UBA7: variants seen among roughly 807,000 people sequenced by gnomAD.
UBA7 encodes the protein ubiquitin like modifier activating enzyme 7.
A neutral mutation model predicts 113.0 loss-of-function variants in UBA7; 88 were observed. That is an observed-to-expected ratio of 0.78 (90% CI 0.66 to 0.93). The LOEUF (loss-of-function observed/expected upper bound fraction) is 0.93, where lower values mean the gene tolerates loss of function less well. UBA7 is among the 40% of genes least tolerant of loss of function. The probability of loss-of-function intolerance (pLI) is 0.00; values close to 1 mark genes in which losing one functional copy is unlikely to be tolerated. For synonymous variants in UBA7, 459 were observed against 513.0 expected, an observed-to-expected ratio of 0.89 and a Z score of 1.42; for missense variants, 1,092 against 1,266.4, an observed-to-expected ratio of 0.86 and a Z score of 2.09.
intron 18 of UBA7, 125 bp from the exon 19 acceptor site, chr3:49,808,593 G>T (rs2081492926): frequency 9.6e-7 from 1 of 1,037,462 alleles, no homozygotes; most frequent in Admixed American, 2.5e-5. Context: ...AAATCAAGAA[G>T]CCCCCTTAAT....
chr3:49,813,486 G>A lies in UBA7; in HGVS notation c.218C>T (p.Ala73Val), dbSNP rs774958195. The change falls in exon 2 of 24, where the codon GCT (alanine) becomes GTT (valine). Residue 73 changes from alanine to valine, a missense_variant. Coordinates refer to ENST00000333486, the MANE Select transcript of UBA7 (RefSeq NM_003335.3). ...DPHPTCWSDL[A>V]AQFLLSEQDL... ...GCCCCCCAGGACACTTACCTGGGCA[G>A]CCAGGTCGGACCAGCAGGTGGGGTG... The A allele has an allele frequency of 6.2e-7, 1 of 1,613,474 alleles. No homozygotes were observed. Among genetic ancestry groups the A allele is most frequent in the South Asian group, 1.1e-5 (1 of 91,034 alleles).
rs903254297 is a variant in UBA7, at chr3:49,812,425, C to T, written c.677G>A (p.Arg226Gln). The T allele has an allele frequency of 5.0e-6, 8 of 1,614,082 alleles. No homozygotes were observed. Among genetic ancestry groups the T allele is most frequent in the Admixed American group, 3.3e-5 (2 of 60,012 alleles). ...GMVELNDCDP[R>Q]SIHVREDGSL... is the part of the protein sequence containing the mutation. ...TGGCTTACCCCGCACGTGGATAGACCGGGGATCACAGTCGTTGAGCTCAAC... is the reference window on the plus strand; with the variant it reads ...TGGCTTACCCCGCACGTGGATAGACTGGGGATCACAGTCGTTGAGCTCAAC... Residue 226 changes from arginine to glutamine, a missense_variant, in exon 6 of 24, where the codon CGG becomes CAG. Arg to Gln is a conservative substitution (Grantham distance 43). This residue lies in a region of UBA7 where 584 missense variants were observed against 714.5 expected (regional missense o/e 0.82). Coordinates refer to ENST00000333486, the MANE Select transcript of UBA7 (RefSeq NM_003335.3).
In UBA7 at chr3:49,810,718, C is replaced by G; in HGVS notation, c.1311+34G>C. On this transcript the variant is annotated intron_variant, in intron 11 of 23. Coordinates refer to ENST00000333486, the MANE Select transcript of UBA7 (RefSeq NM_003335.3). The surrounding 1 kb of genome is among the most constrained non-coding windows in gnomAD (Gnocchi z 5.6). ...AGCCAGAGGGGCTGGGCTGGCTCTC[C>G]CAAAGGCACCCCCAGTCTCACCCCA... 6.2e-7 allele frequency: 1 copy of G among 1,614,074 alleles called. No homozygotes were observed. Among genetic ancestry groups the G allele is most frequent in the Non-Finnish European group, 8.5e-7 (1 of 1,179,978 alleles).
At chr3:49,811,842 T>A (rs2081552403) in intron 8 of UBA7, 28 bp downstream of exon 8, 1 of 1,610,042 alleles carries the variant, frequency 6.2e-7, no homozygotes, top group Non-Finnish European at 8.5e-7. Flanking sequence ...TGACAGAGGC[T>A]GGGGGTGGGA....
Position 49,813,293 on chromosome 3 carries a change from C to A in UBA7, c.316G>T (p.Val106Leu). ...AQLNRAVQVV[V>L]HTGDITEDLL... The stretch of plus-strand genomic sequence containing the variant: ...TCCTCAGTGATGTCACCCGTGTGCA[C>A]GACGACCTGGACAGCTCTGTTGAGC... The change falls in exon 3 of 24, where the codon GTG (valine) becomes TTG (leucine). Residue 106 changes from valine (V) to leucine (L), a missense_variant. Physicochemically the swap from Val to Leu is conservative, Grantham distance 32. Around this residue, in one of 3 missense-constraint regions of UBA7, gnomAD observed 584 missense variants for 714.5 expected, o/e 0.82. Transcript: ENST00000333486. The A allele has an allele frequency of 6.2e-7, 1 of 1,614,182 alleles. No individual in the cohort carries two copies. The highest frequency in any genetic ancestry group is 8.5e-7 in the Non-Finnish European group (1 of 1,180,030).
At chr3:49,805,660 C>T (rs2081435925) in intron 23 of UBA7, among the ~76,000 whole-genome samples, 2 of 152,124 alleles carry the variant, frequency 1.3e-5, no homozygotes, top group African/African-American at 4.8e-5. Context: ...GAAAGGGGGG[C>T]TGTGCAGCAT....
chr3:49,810,104 A>G lies in UBA7; in HGVS notation c.1713T>C (p.Ala571=). The G allele has an allele frequency of 6.2e-7, 1 of 1,612,968 alleles. No homozygotes were observed. Among genetic ancestry groups the G allele is most frequent in the South Asian group, 1.1e-5 (1 of 91,078 alleles). The change falls in exon 14 of 24, where the codon GCT becomes GCC. Residue 571 remains alanine, a synonymous_variant. Coordinates refer to ENST00000333486, the MANE Select transcript of UBA7 (RefSeq NM_003335.3). The surrounding 1 kb of genome is among the most constrained non-coding windows in gnomAD (Gnocchi z 5.6). ...CAGTCACATGTGGCATGAATACTGT[A>G]GCACTGCCCCAGGTGCCCGATGTGC... The part of the protein sequence containing the change: ...EAGTSGTWGS[A]TVFMPHVTEA...
chr3:49,808,210 G>T, intron 19 of UBA7, 98 bp from the exon 20 acceptor site: 1 of 1,546,370 alleles, frequency 6.5e-7, no homozygotes, highest in African/African-American at 1.4e-5. Context: ...AGTTCTGTCG[G>T]GGGGTTGCCC....
In UBA7 at chr3:49,813,263, G is replaced by A. The variant is rs35481257; in HGVS notation, c.346C>T (p.Leu116=). ...CCTGAGCTGACCTGGAAGTCCAACA[G>A]CAGGTCCTCAGTGATGTCACCCGTG... ...VHTGDITEDL[L]LDFQVVVLTA... The change falls in exon 3 of 24, where the codon CTG becomes TTG. Residue 116 remains leucine, a synonymous_variant. Transcript: ENST00000333486. 2.1e-3 allele frequency: 3,323 copies of A among 1,614,160 alleles called. 68 individuals are homozygous for A. In the African/African-American group the frequency reaches 0.04, roughly 19 times the overall value.
intron 18 of UBA7, 63 bp from the exon 19 acceptor site, chr3:49,808,531 C>T: frequency 1.3e-6 from 2 of 1,548,652 alleles, no homozygotes; most frequent in Non-Finnish European, 1.8e-6. Flanking sequence ...TTCTTGGAGC[C>T]CTGTGCCTAT....
At position 49,813,116 on chromosome 3, in the gene UBA7, A is replaced by G; in HGVS notation, c.413T>C (p.Leu138Ser). The change falls in exon 4 of 24, where the codon TTG (leucine) becomes TCG (serine). Residue 138 changes from leucine to serine, a missense_variant. By Grantham distance (145) the Leu-to-Ser change is moderately radical. This residue lies in a region of UBA7 where 584 missense variants were observed against 714.5 expected (regional missense o/e 0.82). Coordinates refer to ENST00000333486, the MANE Select transcript of UBA7 (RefSeq NM_003335.3). ...KLEEQLKVGT[L>S]CHKHGVCFLA... ...AAAGCAAACTCCATGCTTATGACACAAGGTGCCCACCTTCAGCTGCTCCTC... is the reference window on the plus strand; with the variant it reads ...AAAGCAAACTCCATGCTTATGACACGAGGTGCCCACCTTCAGCTGCTCCTC... The G allele has an allele frequency of 1.2e-6, 2 of 1,614,144 alleles. No individual in the cohort carries two copies. The highest frequency in any genetic ancestry group is 1.7e-6 in the Non-Finnish European group (2 of 1,180,004).
chr3:49,811,776 C>T, intron 8 of UBA7, 94 bp downstream of exon 8: 1 of 1,567,314 alleles, frequency 6.4e-7, no homozygotes, highest in Non-Finnish European at 8.7e-7. Flanking sequence ...GTTGGGAGAT[C>T]AGACTTGGAT....
chr3:49,805,236 C>T lies in UBA7; in HGVS notation c.*72G>A. Reference sequence around the variant, plus strand: ...CCTTTAACAAGCATTTATTGAGTGCCTACTGTGGGCTTACAATGCAGGGCT... The same window carrying T: ...CCTTTAACAAGCATTTATTGAGTGCTTACTGTGGGCTTACAATGCAGGGCT... On this transcript the variant is annotated 3_prime_UTR_variant, in exon 24 of 24. Transcript: ENST00000333486. 6.8e-7 allele frequency: 1 copy of T among 1,461,556 alleles called. No individual in the cohort carries two copies. Among genetic ancestry groups the T allele is most frequent in the Non-Finnish European group, 9.5e-7 (1 of 1,052,644 alleles). 90.5% of individuals were successfully genotyped at this position (1,461,556 alleles called of 1,614,324 possible). A position where few individuals can be genotyped will look rare whatever the true frequency, so the allele number is the denominator to read the frequency against.
In UBA7 at chr3:49,812,675, C is replaced by T; in HGVS notation, c.531G>A (p.Leu177=). ...GGGAGATGTGCTGGATGGCAGCTGT[C>T]AGGGGTTCTGCCTCTGTGGGGTCCT... The part of the protein sequence containing the change: ...TVQDPTEAEP[L]TAAIQHISQG... Residue 177 remains leucine, a synonymous_variant, in exon 5 of 24, where the codon CTG becomes CTA. Transcript: ENST00000333486. The T allele has an allele frequency of 1.9e-6, 3 of 1,614,182 alleles. No homozygotes were observed. The highest frequency in any genetic ancestry group is 2.5e-6 in the Non-Finnish European group (3 of 1,180,038).
In UBA7 at chr3:49,805,893, T is replaced by C; in HGVS notation, c.2909+4A>G. ...GGCCTGTCTAAAGCCCCAAGTGGGC[T>C]CACCTGAGGGGCAGGTGCTGGGCCT... On this transcript the variant is annotated splice_donor_region_variant and intron_variant, in intron 23 of 23. Coordinates refer to ENST00000333486, the MANE Select transcript of UBA7 (RefSeq NM_003335.3). 3 of 1,551,820 alleles carry C rather than the reference T, an allele frequency of 1.9e-6. No homozygotes were observed. Among genetic ancestry groups the C allele is most frequent in the Middle Eastern group, 1.7e-4 (1 of 5,868 alleles).
rs1416621175 is a variant in UBA7 at position 49,811,897 on chromosome 3, A to G, written c.912T>C (p.His304=). The change falls in exon 8 of 24, where the codon CAT becomes CAC. Residue 304 remains histidine (H), a synonymous_variant. Transcript: ENST00000333486. ...GATCCCAGGGCTGGGGTGGCCGGCC[A>G]TGGAGGTGCTGGAACTTGTGCAGTG... The part of the protein sequence containing the change: ...FCALHKFQHL[H]GRPPQPWDPV... The G allele has an allele frequency of 1.9e-6, 3 of 1,614,008 alleles. No individual in the cohort carries two copies. The East Asian group carries it at 6.7e-5, about 36-fold the overall frequency.
intron 17 of UBA7, 38 bp downstream of exon 17, chr3:49,809,352 C>T (rs1401293341): frequency 1.2e-6 from 2 of 1,607,578 alleles, no homozygotes; most frequent in Non-Finnish European, 1.7e-6. Flanking sequence ...TGAGGGGCCA[C>T]ATCTCTATCT....
chr3:49,811,977 C>T lies in UBA7; in HGVS notation c.832G>A (p.Ala278Thr). 6.2e-7 allele frequency: 1 copy of T among 1,614,172 alleles called. No homozygotes were observed. The highest frequency in any genetic ancestry group is 1.1e-5 in the South Asian group (1 of 91,078). ...TGGTGAACTTCCTGGGAGCTCTGGGCCACCACATGGGGCTGGAGCAGGGCT... is the reference window on the plus strand; with the variant it reads ...TGGTGAACTTCCTGGGAGCTCTGGGTCACCACATGGGGCTGGAGCAGGGCT... Reference protein sequence around the residue: ...DTALLQPHVVAQSSQEVHHAH... With the variant: ...DTALLQPHVVTQSSQEVHHAH... Residue 278 changes from alanine to threonine, a missense_variant, in exon 8 of 24, where the codon GCC becomes ACC. Transcript: ENST00000333486.
At position 49,810,005 on chromosome 3, in the gene UBA7, G is replaced by A; in HGVS notation, c.1812C>T (p.Phe604=). 1.9e-6 allele frequency: 3 copies of A among 1,613,836 alleles called. No individual in the cohort carries two copies. The highest frequency in any genetic ancestry group is 2.2e-5 in the East Asian group (1 of 44,882). ...GCAGGGTGTGCTCGGCTGTGCTAGGGAAGTACCGCACGGTACAGACAGGGT... is the reference window on the plus strand; with the variant it reads ...GCAGGGTGTGCTCGGCTGTGCTAGGAAAGTACCGCACGGTACAGACAGGGT... ...APYPVCTVRY[F]PSTAEHTLQW... is the part of the protein sequence containing the mutation. The change falls in exon 14 of 24, where the codon TTC becomes TTT. Residue 604 remains phenylalanine (F), a synonymous_variant. Coordinates refer to ENST00000333486, the MANE Select transcript of UBA7 (RefSeq NM_003335.3). The surrounding 1 kb of genome is among the most constrained non-coding windows in gnomAD (Gnocchi z 5.6).
Sources: gnomAD v4.1 joint callset for allele counts (sites outside exome capture counted in the v4.1 genomes callset) on GRCh38, gnomAD v4.1.1 for gene constraint, gnomAD v4.1.1 regional missense constraint, Gnocchi (gnomAD v3.1) non-coding constraint, MANE v1.5 for transcripts, NCBI Gene and HGNC (gene_info 2026-07-23, HGNC 2026-07-21) for gene names.